Variants in MAGI2 observed in about 807,000 individuals in gnomAD.
The protein encoded by MAGI2 is membrane-associated guanylate kinase, WW and PDZ domain-containing protein 2.
MAGI2 carries 35 observed loss-of-function variants against 133.3 expected under a neutral mutation model. That is an observed-to-expected ratio of 0.26 (90% CI 0.20 to 0.35). The LOEUF (loss-of-function observed/expected upper bound fraction) is 0.35, where lower values mean the gene tolerates loss of function less well. Ranked by LOEUF, MAGI2 falls within the 10% of genes least tolerant of loss-of-function variation. The pLI, the probability that MAGI2 is intolerant of heterozygous loss-of-function variation, is 1.00. For missense variants in MAGI2, 1,636 were observed against 1,863.4 expected (o/e 0.88, Z 2.25); for synonymous variants, 729 against 710.6 (o/e 1.03, Z -0.41).
At chr7:79,387,052 A>C (rs1000540489) in intron 1 of MAGI2, among the ~76,000 whole-genome samples, 4 of 150,980 alleles carry the variant, frequency 2.6e-5, no homozygotes, top group Admixed American at 6.6e-5. Context: ...GCCTCTTCAA[A>C]ATTTATTTAC....
intron 2 of MAGI2, among the ~76,000 whole-genome samples, chr7:78,654,450 C>T (rs1811915202): frequency 6.6e-6 from 1 of 151,792 alleles, no homozygotes; most frequent in Non-Finnish European, 1.5e-5. Flanking sequence ...AATTACATAT[C>T]AAATAGGTTT....
chr7:78,909,186 T>C (rs1022800131), intron 2 of MAGI2, among the ~76,000 whole-genome samples: 2 of 150,780 alleles, frequency 1.3e-5, no homozygotes, highest in African/African-American at 4.9e-5. Flanking sequence ...AAGAAGACAT[T>C]TATGCGGCCA....
intron 2 of MAGI2, among the ~76,000 whole-genome samples, chr7:78,998,064 T>G (rs757809449): frequency 6.6e-6 from 1 of 152,158 alleles, no homozygotes; most frequent in Non-Finnish European, 1.5e-5. Context: ...CAGAGTTTCA[T>G]GAATAGTGAA....
At chr7:79,009,961 TA>T (rs559684850) in intron 1 of MAGI2, among the ~76,000 whole-genome samples, 4 of 152,166 alleles carry the variant, frequency 2.6e-5, no homozygotes, top group African/African-American at 7.2e-5. Flanking sequence ...AAACACTCAT[TA>T]AAAAAACTAT....
chr7:78,545,214 T>TTTTGATTC (rs1468984166), intron 3 of MAGI2, among the ~76,000 whole-genome samples: 1 of 3,398 alleles, frequency 2.9e-4, no homozygotes, highest in Non-Finnish European at 4.4e-4. Context: ...ACCTGATTCT[T>TTTTGATTC]TTTTTTTTTT....
Position 78,248,399 on chromosome 7 carries a change from T to A in MAGI2, c.2047+7544A>T, listed in dbSNP as rs112397269. 9.1e-3 allele frequency among the ~76,000 whole-genome samples: 1,391 copies of A among 152,226 alleles called. 23 individuals are homozygous for A. The highest frequency in any genetic ancestry group is 0.032 in the African/African-American group (1,326 of 41,556). ...TCTACTATGAACCATTAACAAAACA[T>A]CAGTAGTAAGTCCTTATCTATCAAT... On this transcript the variant is annotated intron_variant, in intron 10 of 21. Transcript: ENST00000354212.
intron 10 of MAGI2, among the ~76,000 whole-genome samples, chr7:78,248,530 C>T (rs969765766): frequency 3.3e-5 from 5 of 152,130 alleles, no homozygotes; most frequent in African/African-American, 1.2e-4. Flanking sequence ...AAGAGACTCA[C>T]ATTAACCTTA....
intron 1 of MAGI2, among the ~76,000 whole-genome samples, chr7:79,433,348 G>A (rs368327572): frequency 1.3e-5 from 2 of 152,004 alleles, no homozygotes; most frequent in East Asian, 3.9e-4. Context: ...TCAGGAGATC[G>A]AGATCATCCT....
chr7:79,162,524 G>A (rs537669708), intron 1 of MAGI2, among the ~76,000 whole-genome samples: 135 of 152,032 alleles, frequency 8.9e-4, no homozygotes, highest in African/African-American at 3.1e-3. Context: ...AATCAAGAAG[G>A]GATACAAAGA....
At chr7:78,854,483 G>A (rs1384542976) in intron 2 of MAGI2, among the ~76,000 whole-genome samples, 1 of 151,988 alleles carries the variant, frequency 6.6e-6, no homozygotes, top group Non-Finnish European at 1.5e-5. Context: ...GTATAAAAAC[G>A]TTCTTTGGAT....
intron 1 of MAGI2, among the ~76,000 whole-genome samples, chr7:79,184,975 G>T (rs1277834907): frequency 6.6e-6 from 1 of 151,718 alleles, no homozygotes; most frequent in Non-Finnish European, 1.5e-5. Context: ...AAAGGGCCAT[G>T]ATCAAGTGAC....
chr7:78,728,853 C>A (rs1821095023), intron 2 of MAGI2, among the ~76,000 whole-genome samples: 1 of 124,392 alleles, frequency 8.0e-6, no homozygotes. Flanking sequence ...GCGTGAGCCA[C>A]CGCGCCCGGC....
chr7:78,565,268 C>T (rs749767521), intron 3 of MAGI2, among the ~76,000 whole-genome samples: 20 of 151,888 alleles, frequency 1.3e-4, no homozygotes, highest in Admixed American at 3.9e-4. Context: ...CCAAGACCAG[C>T]CTGGGCAAAA....
chr7:78,880,701 T>C (rs919733156), intron 2 of MAGI2, among the ~76,000 whole-genome samples: 13 of 152,258 alleles, frequency 8.5e-5, no homozygotes, highest in African/African-American at 3.1e-4. Context: ...AACTCCATGA[T>C]AGAATCAAAA....
chr7:78,434,882 C>T (rs1331690812), intron 6 of MAGI2, among the ~76,000 whole-genome samples: 3 of 152,174 alleles, frequency 2.0e-5, no homozygotes, highest in Non-Finnish European at 4.4e-5. Context: ...TGAAAATCCA[C>T]TCCATCCTAT....
chr7:78,143,964 C>G (rs1442170985), intron 16 of MAGI2, among the ~76,000 whole-genome samples: 1 of 140,612 alleles, frequency 7.1e-6, no homozygotes, highest in African/African-American at 2.6e-5. Flanking sequence ...TTGTTTCTGT[C>G]TTTAAATTAG....
In MAGI2 at chr7:79,449,097, A is replaced by T. The variant is rs1053021769; in HGVS notation, c.301+3923T>A. Among the ~76,000 whole-genome samples the T allele has an allele frequency of 2.0e-5, 3 of 152,292 alleles. No individual in the cohort carries two copies. The East Asian group carries it at 5.8e-4, about 29-fold the overall frequency. On this transcript the variant is annotated intron_variant, in intron 1 of 21. Transcript: ENST00000354212. ...ATACCTCACATTTCTACAGAAAAAA[A>T]GTCAATCTTTATTTTCAGAAAATTT...
At chr7:79,288,623 T>A (rs1310332597) in intron 1 of MAGI2, among the ~76,000 whole-genome samples, 4 of 152,138 alleles carry the variant, frequency 2.6e-5, no homozygotes, top group African/African-American at 4.8e-5. Context: ...TTTTACCAAC[T>A]GGTAACTATC....
intron 3 of MAGI2, among the ~76,000 whole-genome samples, chr7:78,587,056 T>C (rs1803492666): frequency 6.6e-6 from 1 of 152,216 alleles, no homozygotes; most frequent in African/African-American, 2.4e-5. Flanking sequence ...TACAAATGTC[T>C]CTTCAAAATC....
Sources: gnomAD v4.1 joint callset for allele counts (sites outside exome capture counted in the v4.1 genomes callset) on GRCh38, gnomAD v4.1.1 for gene constraint, MANE v1.5 for transcripts, NCBI Gene and HGNC (gene_info 2026-07-23, HGNC 2026-07-21) for gene names.